Variants in TC2N observed in about 807,000 individuals in gnomAD.
The protein encoded by TC2N is tandem C2 domains nuclear protein.
TC2N carries 51 observed loss-of-function variants against 61.9 expected under a neutral mutation model. The observed-to-expected ratio is 0.82, with a 90% confidence interval of 0.66 to 1.04. The LOEUF is 1.04. Ranked by LOEUF, TC2N falls within the 50% of genes least tolerant of loss-of-function variation. TC2N has a pLI of 0.00. For missense variants in TC2N, 556 were observed against 566.7 expected, an observed-to-expected ratio of 0.98 and a Z score of 0.19; for synonymous variants, 204 against 192.6, an observed-to-expected ratio of 1.06 and a Z score of -0.49.
intron 1 of TC2N, among the ~76,000 whole-genome samples, chr14:91,831,410 T>A (rs1455006749): frequency 6.6e-6 from 1 of 152,086 alleles, no homozygotes; most frequent in Non-Finnish European, 1.5e-5. Flanking sequence ...AAGAAAAAAA[T>A]TAAACATTAA....
At chr14:91,802,479 C>T (rs1214374353) in intron 3 of TC2N, 58 bp from the exon 4 acceptor site, 4 of 1,520,592 alleles carry the variant, frequency 2.6e-6, no homozygotes. Context: ...TATTAGCCAA[C>T]AGCTGGTACA....
At chr14:91,785,713 T>A (rs1282348535) in intron 10 of TC2N, among the ~76,000 whole-genome samples, 1 of 152,092 alleles carries the variant, frequency 6.6e-6, no homozygotes, top group Non-Finnish European at 1.5e-5. Flanking sequence ...TGGAGGTATT[T>A]ATTTCACAAT....
At position 91,782,299 on chromosome 14, in the gene TC2N, T is replaced by C. The variant is rs1885167111; in HGVS notation, c.*801A>G. The C allele has an allele frequency of 6.6e-6, 1 of 152,090 alleles. No homozygotes were observed. The highest frequency in any genetic ancestry group is 6.6e-5 in the Admixed American group (1 of 15,266). The allele number at this position is 152,090 out of a possible 1,614,324, so 9.4% of individuals were successfully genotyped here. On this transcript the variant is annotated 3_prime_UTR_variant, in exon 12 of 12. Coordinates refer to ENST00000435962, the MANE Select transcript of TC2N (RefSeq NM_001128596.3). ...GATTATCATAAAATACTGAATTTTC[T>C]ATTTAAGCTCATTTAATTCTGTGAA...
At chr14:91,842,450 C>CTTT (rs1437739068) in intron 1 of TC2N, among the ~76,000 whole-genome samples, 2 of 152,224 alleles carry the variant, frequency 1.3e-5, no homozygotes, top group African/African-American at 4.8e-5. Context: ...TGACTTTCAG[C>CTTT]TTTTCGAGCT....
At chr14:91,856,429 G>A (rs1888483675) in intron 1 of TC2N, among the ~76,000 whole-genome samples, 1 of 151,184 alleles carries the variant, frequency 6.6e-6, no homozygotes, top group African/African-American at 2.4e-5. Context: ...AGTAGTTGCA[G>A]TGAGGTGAGA....
intron 1 of TC2N, among the ~76,000 whole-genome samples, chr14:91,859,052 A>G (rs1431173615): frequency 6.6e-6 from 1 of 152,110 alleles, no homozygotes; most frequent in Non-Finnish European, 1.5e-5. Flanking sequence ...CCACCTCGGG[A>G]TACTGGGATA....
At position 91,792,406 on chromosome 14, in the gene TC2N, C is replaced by A. The variant is rs767140861; in HGVS notation, c.1008G>T (p.Met336Ile). The A allele has an allele frequency of 6.2e-7, 1 of 1,604,572 alleles. No individual in the cohort carries two copies. Among genetic ancestry groups the A allele is most frequent in the South Asian group, 1.1e-5 (1 of 89,334 alleles). ...MSLRTLSTQE[M>I]DYSLDITPPS... The stretch of plus-strand genomic sequence containing the variant: ...GTGGTGTTATATCCAAAGAGTAATC[C>A]ATTTCCTGTGTGCTAAGGGTTCTGA... The change falls in exon 9 of 12, where the codon ATG becomes ATT. Residue 336 changes from methionine to isoleucine, a missense_variant. By Grantham distance (10) the Met-to-Ile change is conservative. Transcript: ENST00000435962.
intron 1 of TC2N, among the ~76,000 whole-genome samples, chr14:91,825,114 C>T (rs1246497109): frequency 1.5e-5 from 2 of 135,342 alleles, no homozygotes; most frequent in Non-Finnish European, 3.1e-5. Flanking sequence ...TGGCTCACTG[C>T]AACCTCCGCC....
chr14:91,817,869 G>GTA (rs1266262921), intron 1 of TC2N, among the ~76,000 whole-genome samples: 6 of 152,132 alleles, frequency 3.9e-5, no homozygotes, highest in Non-Finnish European at 8.8e-5. Flanking sequence ...TGAACACCCA[G>GTA]TAATACACTA....
intron 9 of TC2N, among the ~76,000 whole-genome samples, chr14:91,789,313 T>C (rs1045720681): frequency 2.6e-5 from 4 of 151,472 alleles, no homozygotes; most frequent in African/African-American, 4.9e-5. Flanking sequence ...AGTTAAACTA[T>C]TGGCCAGGTG....
At chr14:91,818,169 G>A (rs10135679) in intron 1 of TC2N, among the ~76,000 whole-genome samples, 3,619 of 152,100 alleles carry the variant, frequency 0.024, 150 homozygotes, top group African/African-American at 0.084. Flanking sequence ...ATAAGGCAGC[G>A]AGAGTTTGCA....
intron 1 of TC2N, among the ~76,000 whole-genome samples, chr14:91,854,907 A>C (rs1253219672): frequency 2.0e-5 from 3 of 152,194 alleles, no homozygotes; most frequent in Non-Finnish European, 4.4e-5. Context: ...ATAGCTTTTT[A>C]AACTCACCTC....
At chr14:91,853,693 C>G (rs1263567676) in intron 1 of TC2N, among the ~76,000 whole-genome samples, 1 of 141,862 alleles carries the variant, frequency 7.0e-6, no homozygotes, top group Non-Finnish European at 1.5e-5. Flanking sequence ...CACACACAAT[C>G]TGTGATCAAA....
chr14:91,809,206 T>C (rs543437471), intron 3 of TC2N, among the ~76,000 whole-genome samples: 1 of 151,478 alleles, frequency 6.6e-6, no homozygotes, highest in Non-Finnish European at 1.5e-5. Context: ...AGAATAGGAG[T>C]TCAAGACCAG....
At chr14:91,797,229 ATGTT>A (rs1285476442) in intron 8 of TC2N, among the ~76,000 whole-genome samples, 1 of 152,064 alleles carries the variant, frequency 6.6e-6, no homozygotes, top group Non-Finnish European at 1.5e-5. Flanking sequence ...AACTTTTTAT[ATGTT>A]TATTAGTCAT....
In TC2N at chr14:91,790,407, C is replaced by T. The variant is rs143079507; in HGVS notation, c.1047+1960G>A. Among the ~76,000 whole-genome samples, 73 of 152,254 alleles carry T rather than the reference C, an allele frequency of 4.8e-4. No homozygotes were observed. In the East Asian group the frequency reaches 0.014, roughly 29 times the overall value. On this transcript the variant is annotated intron_variant, in intron 9 of 11. Transcript: ENST00000435962. ...CTTCAACACATTAAAACAAAGCATA[C>T]TATTATTGCTTTAGCCAATAATATG...
chr14:91,802,221 C>A, intron 4 of TC2N, 33 bp downstream of exon 4: 1 of 1,483,542 alleles, frequency 6.7e-7, no homozygotes, highest in Non-Finnish European at 8.9e-7. Flanking sequence ...TAAAGAGAAA[C>A]ACAGAGAGGA....
intron 1 of TC2N, among the ~76,000 whole-genome samples, chr14:91,854,539 G>A (rs866708983): frequency 5.6e-4 from 79 of 141,638 alleles, no homozygotes; most frequent in African/African-American, 1.9e-3. Context: ...AGGAGGAGGG[G>A]GTAAAACATA....
intron 1 of TC2N, among the ~76,000 whole-genome samples, chr14:91,847,294 A>G (rs1033760258): frequency 1.3e-5 from 2 of 152,022 alleles, no homozygotes; most frequent in African/African-American, 4.8e-5. Flanking sequence ...TAGTTTCTGC[A>G]ATGGTTTAAA....
Sources: gnomAD v4.1 joint callset for allele counts (sites outside exome capture counted in the v4.1 genomes callset) on GRCh38, gnomAD v4.1.1 for gene constraint, MANE v1.5 for transcripts, NCBI Gene and HGNC (gene_info 2026-07-23, HGNC 2026-07-21) for gene names.